Variants in ATRNL1 observed in about 807,000 individuals in gnomAD.
The protein encoded by ATRNL1 is attractin like 1.
In ATRNL1, 95 loss-of-function variants were observed where a neutral mutation model predicts 182.7. That is an observed-to-expected ratio of 0.52 (90% CI 0.44 to 0.62). ATRNL1 has a LOEUF of 0.62. Ranked by LOEUF, ATRNL1 falls within the 20% of genes least tolerant of loss-of-function variation. ATRNL1 has a pLI of 0.00. For missense variants in ATRNL1, 1,471 were observed against 1,679.5 expected (o/e 0.88, Z 2.17); for synonymous variants, 576 against 568.3 (o/e 1.01, Z -0.19).
At chr10:115,165,445 A>T (rs1564790277) in intron 6 of ATRNL1, 113 bp from the exon 7 acceptor site, 1 of 484,972 alleles carries the variant, frequency 2.1e-6, no homozygotes, top group African/African-American at 2.0e-5. Flanking sequence ...ATTAGTTGTA[A>T]CTCTTTTTGA....
chr10:115,317,106 A>T (rs1854335925), intron 18 of ATRNL1, among the ~76,000 whole-genome samples: 1 of 152,170 alleles, frequency 6.6e-6, no homozygotes, highest in Admixed American at 6.5e-5. Context: ...GGTGTAAGGA[A>T]TGGGTCCAGT....
intron 18 of ATRNL1, among the ~76,000 whole-genome samples, chr10:115,325,605 T>A (rs1245327468): frequency 6.6e-6 from 1 of 152,176 alleles, no homozygotes; most frequent in Non-Finnish European, 1.5e-5. Flanking sequence ...ATTTATACTT[T>A]CCACCAGATG....
chr10:115,417,891 GAACACAACA>G (rs1293244687), intron 20 of ATRNL1, among the ~76,000 whole-genome samples: 1 of 152,146 alleles, frequency 6.6e-6, no homozygotes, highest in Non-Finnish European at 1.5e-5. Context: ...TGGGCTCAGA[GAACACAACA>G]GTCAGTCCCC....
rs1554955135 is a variant in ATRNL1 at position 115,394,763 on chromosome 10, A to G, written c.3269+11A>G. 1.9e-6 allele frequency: 3 copies of G among 1,565,932 alleles called. No homozygotes were observed. The highest frequency in any genetic ancestry group is 2.3e-5 in the East Asian group (1 of 43,368). ...TGACCAATGCCAATTGTAAGTAAGA[A>G]TGACTTTTTAGAACTTTCGTGGATT... On this transcript the variant is annotated intron_variant, in intron 20 of 28. Transcript: ENST00000355044.
intron 24 of ATRNL1, among the ~76,000 whole-genome samples, chr10:115,504,884 G>A (rs1850026701): frequency 6.6e-6 from 1 of 152,000 alleles, no homozygotes; most frequent in South Asian, 2.1e-4. Context: ...TATTAGGCAT[G>A]CCTATAGAAG....
At chr10:115,329,096 T>C (rs1855068895) in intron 18 of ATRNL1, among the ~76,000 whole-genome samples, 1 of 152,134 alleles carries the variant, frequency 6.6e-6, no homozygotes, top group Admixed American at 6.5e-5. Flanking sequence ...AGAGTTCCCC[T>C]TTCTCCACAT....
chr10:115,174,343 T>G (rs1298356167), intron 8 of ATRNL1, among the ~76,000 whole-genome samples: 1 of 151,860 alleles, frequency 6.6e-6, no homozygotes, highest in Non-Finnish European at 1.5e-5. Context: ...TGTTACCACA[T>G]TTGTCCTTGA....
At chr10:115,113,894 A>C (rs763517473) in intron 1 of ATRNL1, among the ~76,000 whole-genome samples, 1 of 152,224 alleles carries the variant, frequency 6.6e-6, no homozygotes, top group Non-Finnish European at 1.5e-5. Flanking sequence ...TTAGGGATGT[A>C]CTAAATGACT....
intron 28 of ATRNL1, among the ~76,000 whole-genome samples, chr10:115,930,976 A>C (rs1463588306): frequency 6.6e-6 from 1 of 152,202 alleles, no homozygotes; most frequent in African/African-American, 2.4e-5. Flanking sequence ...AAATATAATT[A>C]ATTAAAATAT....
At chr10:115,551,380 A>G (rs1330111568) in intron 26 of ATRNL1, among the ~76,000 whole-genome samples, 1 of 151,506 alleles carries the variant, frequency 6.6e-6, no homozygotes, top group African/African-American at 2.4e-5. Context: ...ATCTTTCAAT[A>G]TATGTGGTAG....
chr10:115,619,896 G>A (rs1857632945), intron 26 of ATRNL1, among the ~76,000 whole-genome samples: 1 of 152,158 alleles, frequency 6.6e-6, no homozygotes, highest in African/African-American at 2.4e-5. Flanking sequence ...GTCAAGATCA[G>A]GTGTTTATCA....
At chr10:115,389,435 C>A (rs1211971190) in intron 19 of ATRNL1, among the ~76,000 whole-genome samples, 13 of 148,720 alleles carry the variant, frequency 8.7e-5, no homozygotes, top group South Asian at 8.5e-4. Flanking sequence ...ATTGCTTGGA[C>A]CTGGGAGGTG....
In ATRNL1 at chr10:115,340,296, A is replaced by C. The variant is rs550171749; in HGVS notation, c.3175+5877A>C. Among the ~76,000 whole-genome samples the C allele has an allele frequency of 1.6e-3, 240 of 152,018 alleles. 1 individual carries two copies. Among genetic ancestry groups the C allele is most frequent in the African/African-American group, 5.3e-3 (221 of 41,490 alleles). On this transcript the variant is annotated intron_variant, in intron 19 of 28. Transcript: ENST00000355044. ...TAGCTGGGACTGCAGGTATGTGCCA[A>C]CAAGCCTGGTTAATTTTTGGATTTT...
rs1022889708 is a variant in ATRNL1 at position 115,284,374 on chromosome 10, C to T, written c.2234-1842C>T. ...TTGATTCAGTAAGGTGAGAAAAAAC[C>T]GTAATTTAAGAAAACGTTTGCATTG... is the stretch of plus-strand genomic sequence containing the variant. On this transcript the variant is annotated intron_variant, in intron 14 of 28. Coordinates refer to ENST00000355044, the MANE Select transcript of ATRNL1 (RefSeq NM_207303.4). 3.3e-5 allele frequency among the ~76,000 whole-genome samples: 5 copies of T among 152,048 alleles called. No individual in the cohort carries two copies. The East Asian group carries it at 5.8e-4, about 18-fold the overall frequency.
intron 19 of ATRNL1, among the ~76,000 whole-genome samples, chr10:115,346,843 A>G (rs1855999287): frequency 6.6e-6 from 1 of 151,898 alleles, no homozygotes; most frequent in African/African-American, 2.4e-5. Flanking sequence ...CACTTTTTTG[A>G]TGGTATCCTT....
At chr10:115,569,253 A>C (rs1431664376) in intron 26 of ATRNL1, among the ~76,000 whole-genome samples, 1 of 152,110 alleles carries the variant, frequency 6.6e-6, no homozygotes, top group Non-Finnish European at 1.5e-5. Context: ...TTGTAGTATG[A>C]TTATACCCTA....
intron 20 of ATRNL1, among the ~76,000 whole-genome samples, chr10:115,425,721 T>A (rs1845853876): frequency 6.6e-6 from 1 of 152,106 alleles, no homozygotes; most frequent in Non-Finnish European, 1.5e-5. Context: ...GAAACCTTTT[T>A]TTCCAATTAT....
chr10:115,709,497 T>C (rs959845435), intron 26 of ATRNL1, among the ~76,000 whole-genome samples: 3 of 151,924 alleles, frequency 2.0e-5, no homozygotes, highest in East Asian at 1.9e-4. Context: ...TAAAATCTTG[T>C]TCCTGTGGTT....
chr10:115,745,182 G>A (rs1948255060), intron 27 of ATRNL1, among the ~76,000 whole-genome samples: 1 of 151,772 alleles, frequency 6.6e-6, no homozygotes, highest in African/African-American at 2.4e-5. Context: ...GGAGTGCAGT[G>A]GCAAGATCTT....
Sources: allele counts gnomAD v4.1 joint callset (sites outside exome capture counted in the v4.1 genomes callset), GRCh38; gene constraint gnomAD v4.1.1; transcripts MANE v1.5; gene names NCBI Gene and HGNC (gene_info 2026-07-23, HGNC 2026-07-21).